The following PKN2 variants were observed in gnomAD, a reference collection of about 807,000 sequenced individuals.
PKN2 encodes protein kinase N2.
Under a neutral mutation model 119.1 loss-of-function variants are expected in PKN2, and 38 were observed. The ratio of observed to expected loss-of-function variants is 0.32; its 90% CI spans 0.25 to 0.42. The LOEUF (loss-of-function observed/expected upper bound fraction) is 0.42, where lower values mean the gene tolerates loss of function less well. Ranked by LOEUF, PKN2 falls within the 10% of genes least tolerant of loss-of-function variation. The pLI is 1.00. For synonymous variants in PKN2, 390 were observed against 384.9 expected (o/e 1.01, Z -0.15); for missense variants, 850 against 1,165.1 (o/e 0.73, Z 3.94).
At chr1:88,779,649 A>AG (rs1670251458) in intron 6 of PKN2, among the ~76,000 whole-genome samples, 1 of 152,162 alleles carries the variant, frequency 6.6e-6, no homozygotes, top group Non-Finnish European at 1.5e-5. Context: ...TTTCTTATAA[A>AG]TATTAATGCC....
intron 19 of PKN2, among the ~76,000 whole-genome samples, chr1:88,830,175 C>G (rs1183517966): frequency 6.6e-6 from 1 of 152,194 alleles, no homozygotes; most frequent in South Asian, 2.1e-4. Context: ...GGAATTTTAA[C>G]CTTGTCACTC....
intron 8 of PKN2, among the ~76,000 whole-genome samples, chr1:88,787,483 G>A (rs952653915): frequency 1.3e-5 from 2 of 152,124 alleles, no homozygotes; most frequent in Admixed American, 1.3e-4. Context: ...TTTCAGGACT[G>A]GTACTAGACC....
At chr1:88,789,559 C>T (rs1195099342) in intron 8 of PKN2, among the ~76,000 whole-genome samples, 4 of 151,722 alleles carry the variant, frequency 2.6e-5, no homozygotes, top group African/African-American at 4.8e-5. Context: ...GCTACTTGGG[C>T]GGCTGAGGCT....
At chr1:88,827,922 A>G (rs923829284) in intron 18 of PKN2, among the ~76,000 whole-genome samples, 3 of 151,484 alleles carry the variant, frequency 2.0e-5, no homozygotes, top group Non-Finnish European at 2.9e-5. Flanking sequence ...GACGGGTTTC[A>G]TCATGTTGGC....
At chr1:88,802,311 A>G (rs934939127) in intron 8 of PKN2, among the ~76,000 whole-genome samples, 3 of 151,926 alleles carry the variant, frequency 2.0e-5, no homozygotes, top group Admixed American at 2.0e-4. Context: ...GATCTGTAAC[A>G]TACTTTATAA....
At chr1:88,722,650 A>G (rs1667727979) in intron 1 of PKN2, among the ~76,000 whole-genome samples, 2 of 152,090 alleles carry the variant, frequency 1.3e-5, no homozygotes, top group African/African-American at 4.8e-5. Context: ...CCACAGTGGC[A>G]CGTGCCTATA....
chr1:88,762,142 C>G (rs1368764351), intron 3 of PKN2, among the ~76,000 whole-genome samples: 3 of 152,144 alleles, frequency 2.0e-5, no homozygotes, highest in Non-Finnish European at 4.4e-5. Flanking sequence ...ACACCTTATT[C>G]TCAAAGTGGT....
chr1:88,833,473 C>T lies in PKN2; in HGVS notation c.*25C>T. The stretch of plus-strand genomic sequence containing the variant: ...AGTTGCTAGACACTGCGAAACCAAG[C>T]TGACTCACAAGAAGACCTCTTAAAA... On this transcript the variant is annotated 3_prime_UTR_variant, in exon 22 of 22. Coordinates refer to ENST00000370521, the MANE Select transcript of PKN2 (RefSeq NM_006256.4). 1.9e-6 allele frequency: 3 copies of T among 1,586,988 alleles called. No homozygotes were observed. The highest frequency in any genetic ancestry group is 2.6e-6 in the Non-Finnish European group (3 of 1,156,106).
chr1:88,762,438 T>C (rs1669485027), intron 3 of PKN2, among the ~76,000 whole-genome samples: 1 of 152,238 alleles, frequency 6.6e-6, no homozygotes, highest in Non-Finnish European at 1.5e-5. Context: ...CTTAACTGTT[T>C]TTATTTTTCA....
intron 1 of PKN2, among the ~76,000 whole-genome samples, chr1:88,735,170 T>C (rs895838483): frequency 1.6e-4 from 24 of 152,306 alleles, no homozygotes; most frequent in African/African-American, 5.8e-4. Context: ...TGTTTGCTTG[T>C]ATGTTCGAGA....
intron 1 of PKN2, among the ~76,000 whole-genome samples, chr1:88,728,838 CT>C (rs890008456): frequency 6.7e-5 from 10 of 149,682 alleles, no homozygotes; most frequent in East Asian, 2.0e-4. Flanking sequence ...TAGATCATGT[CT>C]TTTTCCCCCC....
intron 2 of PKN2, among the ~76,000 whole-genome samples, chr1:88,755,601 T>C (rs1298961590): frequency 6.6e-6 from 1 of 152,192 alleles, no homozygotes; most frequent in Non-Finnish European, 1.5e-5. Flanking sequence ...ACTTGTAATA[T>C]TATTGAGCCC....
At chr1:88,784,892 G>A in intron 7 of PKN2, 68 bp downstream of exon 7, 2 of 832,744 alleles carry the variant, frequency 2.4e-6, no homozygotes, top group South Asian at 5.7e-5. Context: ...TTTATGAAGT[G>A]TTCAAGTTGG....
chr1:88,691,255 G>A (rs566833418), intron 1 of PKN2, among the ~76,000 whole-genome samples: 2 of 151,806 alleles, frequency 1.3e-5, no homozygotes, highest in Non-Finnish European at 2.9e-5. Context: ...TGGAGAGACG[G>A]GGTTTTGCCA....
Position 88,821,935 on chromosome 1 carries a change from A to G in PKN2, c.2280-6A>G. The G allele has an allele frequency of 6.4e-7, 1 of 1,568,420 alleles. No individual in the cohort carries two copies. Among genetic ancestry groups the G allele is most frequent in the Non-Finnish European group, 8.6e-7 (1 of 1,162,532 alleles). ...TAAACTCCTGTTGATTTAATTCTTC[A>G]AACAGATTTTATGCTGCTTGTGTAG... On this transcript the variant is annotated splice_polypyrimidine_tract_variant and splice_region_variant and intron_variant, in intron 16 of 21. Coordinates refer to ENST00000370521, the MANE Select transcript of PKN2 (RefSeq NM_006256.4).
chr1:88,723,294 G>T (rs1667768570), intron 1 of PKN2, among the ~76,000 whole-genome samples: 1 of 151,774 alleles, frequency 6.6e-6, no homozygotes, highest in Non-Finnish European at 1.5e-5. Flanking sequence ...TATATTTTCA[G>T]TAGAGACGGG....
chr1:88,736,482 G>A (rs1668356016), intron 1 of PKN2, among the ~76,000 whole-genome samples: 1 of 151,962 alleles, frequency 6.6e-6, no homozygotes, highest in Admixed American at 6.6e-5. Flanking sequence ...TCCAACCTTA[G>A]CCTCCTGAGT....
intron 1 of PKN2, among the ~76,000 whole-genome samples, chr1:88,696,411 A>G (rs1666544285): frequency 6.6e-6 from 1 of 152,188 alleles, no homozygotes; most frequent in Non-Finnish European, 1.5e-5. Context: ...TTCTAGGGCT[A>G]CATGTTCTCT....
rs761399468 is a variant in PKN2, at chr1:88,833,481, CAAGAAGACCTCTTAAAAAT to C, written c.*35_*53del. ...GACACTGCGAAACCAAGCTGACTCACAAGAAGACCTCTTAAAAATAGCAACCCTTCATTTGCTCTCTGTG... is the reference window on the plus strand; with the variant it reads ...GACACTGCGAAACCAAGCTGACTCACAGCAACCCTTCATTTGCTCTCTGTG... On this transcript the variant is annotated 3_prime_UTR_variant, in exon 22 of 22. Coordinates refer to ENST00000370521, the MANE Select transcript of PKN2 (RefSeq NM_006256.4). 452 of 1,546,950 alleles carry C rather than the reference CAAGAAGACCTCTTAAAAAT, an allele frequency of 2.9e-4. 2 individuals are homozygous for C. The highest frequency in any genetic ancestry group is 1.5e-3 in the Middle Eastern group (9 of 5,914).
Sources: gnomAD v4.1 joint callset for allele counts (sites outside exome capture counted in the v4.1 genomes callset) on GRCh38, gnomAD v4.1.1 for gene constraint, MANE v1.5 for transcripts, NCBI Gene and HGNC (gene_info 2026-07-23, HGNC 2026-07-21) for gene names.